The following SH3TC1 variants were observed in gnomAD, a reference collection of about 807,000 sequenced individuals.
The protein encoded by SH3TC1 is SH3 domain and tetratricopeptide repeat-containing protein 1.
In SH3TC1, 135 loss-of-function variants were observed where a neutral mutation model predicts 117.3. That is an observed-to-expected ratio of 1.15 (90% CI 1.00 to 1.33). SH3TC1 has a LOEUF of 1.33. Among genes scored for constraint, SH3TC1 ranks in the 40% most tolerant of loss-of-function variants. The pLI is 0.00. For synonymous variants in SH3TC1, 898 were observed against 816.9 expected (o/e 1.10, Z -1.69); for missense variants, 2,092 against 1,794.3 (o/e 1.17, Z -3.00).
chr4:8,215,306 C>G (rs1719149323), intron 5 of SH3TC1: 2 of 449,042 alleles, frequency 4.5e-6, no homozygotes, highest in Non-Finnish European at 9.0e-6. Flanking sequence ...ACGGAGCCTC[C>G]CTGGGGATCT....
rs79793827 is a variant in SH3TC1, at chr4:8,203,242, T to C, written c.-28-1925T>C. On this transcript the variant is annotated intron_variant, in intron 1 of 17. Transcript: ENST00000245105. Reference sequence around the variant, plus strand: ...CATGGCAGGGATGGCAGCTTCAGTGTGCACTTCTGCTTTGGTCTGACAGGT... The same window carrying C: ...CATGGCAGGGATGGCAGCTTCAGTGCGCACTTCTGCTTTGGTCTGACAGGT... Among the ~76,000 whole-genome samples, 1,023 of 152,108 alleles carry C rather than the reference T, an allele frequency of 6.7e-3. 14 individuals carry two copies. Among genetic ancestry groups the C allele is most frequent in the African/African-American group, 0.024 (982 of 41,514 alleles).
rs1189554299 is a variant in SH3TC1, at chr4:8,205,210, G to C, written c.16G>C (p.Ala6Pro). The C allele has an allele frequency of 3.2e-6, 5 of 1,541,856 alleles. No individual in the cohort carries two copies. Among genetic ancestry groups the C allele is most frequent in the African/African-American group, 1.4e-5 (1 of 72,668 alleles). ...TCTGCGGGTCATGGAGAACCTCCCT[G>C]CCGTGACCACTGAGGAGCCGACCCC... MENLP[A>P]VTTEEPTPMG... The change falls in exon 2 of 18, where the codon GCC becomes CCC. Residue 6 changes from alanine (A) to proline (P), a missense_variant. Transcript: ENST00000245105. The surrounding 1 kb of genome is among the most constrained non-coding windows in gnomAD (Gnocchi z 5.4).
Position 8,206,774 on chromosome 4 carries a change from C to T in SH3TC1, c.172+1408C>T, listed in dbSNP as rs1474436609. Among the ~76,000 whole-genome samples, 1 of 152,032 alleles carries T rather than the reference C, an allele frequency of 6.6e-6. No homozygotes were observed. Among genetic ancestry groups the T allele is most frequent in the Non-Finnish European group, 1.5e-5 (1 of 68,020 alleles). On this transcript the variant is annotated intron_variant, in intron 2 of 17. Coordinates refer to ENST00000245105, the MANE Select transcript of SH3TC1 (RefSeq NM_018986.5). The surrounding 1 kb of genome is among the most constrained non-coding windows in gnomAD (Gnocchi z 5.5). The stretch of plus-strand genomic sequence containing the variant: ...GAAATAGTACAGATAATTCCATTTG[C>T]CCATACCCAGGTTCCCTGAATGTTC...
chr4:8,222,360 GGTTTTTTTTTTTTT>G (rs930714865), intron 9 of SH3TC1, among the ~76,000 whole-genome samples: 1 of 105,744 alleles, frequency 9.5e-6, no homozygotes, highest in African/African-American at 3.6e-5. Flanking sequence ...GTCAGGATCT[GGTTTTTTTTTTTTT>G]TTTTTTTTTT....
intron 2 of SH3TC1, among the ~76,000 whole-genome samples, chr4:8,207,774 C>A (rs144164965): frequency 6.6e-6 from 1 of 152,308 alleles, no homozygotes; most frequent in African/African-American, 2.4e-5. Flanking sequence ...ATGAGATATT[C>A]CAGGCTTATC....
chr4:8,212,589 C>A, intron 3 of SH3TC1, 112 bp from the exon 4 acceptor site: 1 of 1,471,532 alleles, frequency 6.8e-7, no homozygotes, highest in Non-Finnish European at 9.2e-7. Flanking sequence ...GCTCACTGCC[C>A]AGGCCTTCGG....
chr4:8,205,187 T>A lies in SH3TC1; in HGVS notation c.-8T>A, dbSNP rs962152819. Reference sequence around the variant, plus strand: ...CACAGGGCCAGGCATGTGAGGTCTCTGCGGGTCATGGAGAACCTCCCTGCC... The same window carrying A: ...CACAGGGCCAGGCATGTGAGGTCTCAGCGGGTCATGGAGAACCTCCCTGCC... On this transcript the variant is annotated 5_prime_UTR_variant, in exon 2 of 18. Coordinates refer to ENST00000245105, the MANE Select transcript of SH3TC1 (RefSeq NM_018986.5). This position sits in a 1 kb window ranked among gnomAD's most constrained non-coding sequence, Gnocchi z 5.4. The A allele has an allele frequency of 6.6e-7, 1 of 1,517,400 alleles. No individual in the cohort carries two copies. Among genetic ancestry groups the A allele is most frequent in the Non-Finnish European group, 8.8e-7 (1 of 1,133,014 alleles). 94.0% of individuals were successfully genotyped at this position (1,517,400 alleles called of 1,614,324 possible). A position where few individuals can be genotyped will look rare whatever the true frequency, so the allele number is the denominator to read the frequency against.
chr4:8,193,309 C>G (rs551732998), intron 1 of SH3TC1, among the ~76,000 whole-genome samples: 14 of 152,336 alleles, frequency 9.2e-5, no homozygotes, highest in African/African-American at 3.4e-4. Context: ...CTGAGAGTCA[C>G]TTTTATGGCA....
chr4:8,187,277 C>T (rs1717246602), intron 1 of SH3TC1, among the ~76,000 whole-genome samples: 1 of 151,156 alleles, frequency 6.6e-6, no homozygotes, highest in Non-Finnish European at 1.5e-5. Context: ...AGGACACCTG[C>T]TATCAACAGG....
At position 8,190,289 on chromosome 4, in the gene SH3TC1, C is replaced by T. The variant is rs1021045127; in HGVS notation, c.-57+8079C>T. 8.5e-5 allele frequency among the ~76,000 whole-genome samples: 13 copies of T among 152,166 alleles called. No homozygotes were observed. Among genetic ancestry groups the T allele is most frequent in the African/African-American group, 2.9e-4 (12 of 41,430 alleles). On this transcript the variant is annotated intron_variant, in intron 1 of 16. Coordinates refer to the SH3TC1 transcript ENST00000508641. This position sits in a 1 kb window ranked among gnomAD's most constrained non-coding sequence, Gnocchi z 4.7. The stretch of plus-strand genomic sequence containing the variant: ...CCCAGCTGGGAGGACTTCACTCCTT[C>T]GGCGGAGTTGGGGGACTGTGTGCTT...
chr4:8,235,001 TGAG>T (rs952850036), intron 14 of SH3TC1, among the ~76,000 whole-genome samples: 4 of 152,322 alleles, frequency 2.6e-5, no homozygotes, highest in South Asian at 2.1e-4. Flanking sequence ...TTCCTTGAGC[TGAG>T]GAGAAGGATC....
At chr4:8,199,939 T>C (rs1194805086) in intron 1 of SH3TC1, among the ~76,000 whole-genome samples, 1 of 152,200 alleles carries the variant, frequency 6.6e-6, no homozygotes, top group Non-Finnish European at 1.5e-5. Flanking sequence ...GACCAGGGGC[T>C]TCAGCCTGAA....
intron 13 of SH3TC1, chr4:8,232,590 C>T: frequency 7.4e-7 from 1 of 1,353,012 alleles, no homozygotes; most frequent in Non-Finnish European, 9.8e-7. Flanking sequence ...CCAGTTGTGT[C>T]ACCTGCTTCC....
At chr4:8,189,933 C>T (rs1717363682) in intron 1 of SH3TC1, among the ~76,000 whole-genome samples, 1 of 152,100 alleles carries the variant, frequency 6.6e-6, no homozygotes, top group Non-Finnish European at 1.5e-5. Context: ...GACCAGTGGC[C>T]CAGAGAGACA....
intron 12 of SH3TC1, among the ~76,000 whole-genome samples, chr4:8,228,927 C>T (rs768830082): frequency 2.0e-5 from 3 of 152,202 alleles, no homozygotes; most frequent in Non-Finnish European, 4.4e-5. Context: ...GTCTGGGCAA[C>T]GGGCGGTGGG....
In SH3TC1 at chr4:8,218,261, C is replaced by T. The variant is rs889611263; in HGVS notation, c.840-10C>T. ...ATCCCGCAGCAAAGACCTCCCTCTT[C>T]CGGCTCCAGGTGGGCTCTTAGGATC... On this transcript the variant is annotated splice_polypyrimidine_tract_variant and intron_variant, in intron 7 of 17. Coordinates refer to ENST00000245105, the MANE Select transcript of SH3TC1 (RefSeq NM_018986.5). The T allele has an allele frequency of 2.3e-5, 37 of 1,608,408 alleles. No homozygotes were observed. Among genetic ancestry groups the T allele is most frequent in the Non-Finnish European group, 2.9e-5 (34 of 1,175,610 alleles).
chr4:8,215,036 TG>T, intron 5 of SH3TC1: 2 of 426,820 alleles, frequency 4.7e-6, no homozygotes, highest in Non-Finnish European at 9.6e-6. Flanking sequence ...ACAACACTGG[TG>T]TGCGCACCTG....
chr4:8,200,116 A>T (rs1034381516), intron 1 of SH3TC1, among the ~76,000 whole-genome samples: 1 of 152,208 alleles, frequency 6.6e-6, no homozygotes, highest in African/African-American at 2.4e-5. Context: ...TTTGCCGTTG[A>T]CGAGGCTCAG....
upstream of SH3TC1, among the ~76,000 whole-genome samples, chr4:8,198,723 C>A (rs1717644733): frequency 6.6e-6 from 1 of 152,208 alleles, no homozygotes; most frequent in African/African-American, 2.4e-5. Flanking sequence ...AGGAGGGGAG[C>A]CCATCTCTTC....
Sources: allele counts gnomAD v4.1 joint callset (sites outside exome capture counted in the v4.1 genomes callset), GRCh38; gene constraint gnomAD v4.1.1; non-coding constraint Gnocchi (gnomAD v3.1); transcripts MANE v1.5; gene names NCBI Gene and HGNC (gene_info 2026-07-23, HGNC 2026-07-21).